MED23: variants seen among roughly 807,000 people sequenced by gnomAD.
MED23 encodes the protein mediator complex subunit 23, also known as mediator of RNA polymerase II transcription subunit 23.
In MED23, 105 loss-of-function variants were observed where a neutral mutation model predicts 163.9. The observed-to-expected ratio is 0.64, with a 90% CI of 0.55 to 0.75. The LOEUF is 0.75. Among genes scored for constraint, MED23 ranks in the 30% least tolerant of loss-of-function variants. The probability of loss-of-function intolerance (pLI) is 0.00; values close to 1 mark genes in which losing one functional copy is unlikely to be tolerated. For synonymous variants in MED23, 561 were observed against 565.6 expected, an observed-to-expected ratio of 0.99 and a Z score of 0.12; for missense variants, 1,054 against 1,649.0, an observed-to-expected ratio of 0.64 and a Z score of 6.25.
At position 131,594,187 on chromosome 6, in the gene MED23, G is replaced by GT. The variant is rs1226763879; in HGVS notation, c.3143dup (p.Tyr1048Ter). Residue 1048 changes from tyrosine (Y) to a stop codon, truncating the protein, a stop_gained and frameshift_variant, in exon 23 of 29, where the codon TAC (tyrosine) becomes TAAC (stop). Coordinates refer to ENST00000368068, the MANE Select transcript of MED23 (RefSeq NM_004830.4). LOFTEE classifies it high-confidence loss of function. ...RPQGWCLSDT[Y>*]LKCAMNAREE... ...CTCGTGCATTCATAGCGCATTTCAG[G>GT]TAAGTGTCACTTAGACACCAGCCCT... The GT allele has an allele frequency of 1.2e-6, 2 of 1,614,000 alleles. No homozygotes were observed. Among genetic ancestry groups the GT allele is most frequent in the African/African-American group, 1.3e-5 (1 of 74,898 alleles).
intron 3 of MED23, among the ~76,000 whole-genome samples, chr6:131,626,469 C>T (rs919274073): frequency 2.6e-5 from 4 of 151,748 alleles, no homozygotes; most frequent in Non-Finnish European, 5.9e-5. Context: ...TAGGGAATTA[C>T]CTGTAGATTA....
At position 131,592,376 on chromosome 6, in the gene MED23, T is replaced by A. The variant is rs750097118; in HGVS notation, c.3471+12A>T. The A allele has an allele frequency of 1.2e-6, 2 of 1,611,728 alleles. No individual in the cohort carries two copies. Among genetic ancestry groups the A allele is most frequent in the Non-Finnish European group, 1.7e-6 (2 of 1,177,904 alleles). ...TTTCATCACTAAGTACAAATCACAA[T>A]TATTAACTCACTGGTAGGGCAGTGA... On this transcript the variant is annotated intron_variant, in intron 25 of 28. Coordinates refer to ENST00000368068, the MANE Select transcript of MED23 (RefSeq NM_004830.4).
intron 30 of MED23, among the ~76,000 whole-genome samples, chr6:131,575,180 A>AG (rs1773554873): frequency 6.6e-6 from 1 of 152,328 alleles, no homozygotes; most frequent in East Asian, 1.9e-4. Context: ...GTGTCAACTA[A>AG]GGGGTCTATG....
At chr6:131,618,567 A>T (rs751811974) in intron 8 of MED23, 48 bp from the exon 9 acceptor site, 31 of 1,113,472 alleles carry the variant, frequency 2.8e-5, no homozygotes, top group Non-Finnish European at 4.1e-5. Context: ...ACACAGCAGT[A>T]CTTCATTCAC....
At chr6:131,627,799 T>C in intron 1 of MED23, 127 bp from the exon 2 acceptor site, 1 of 1,060,404 alleles carries the variant, frequency 9.4e-7, no homozygotes. Context: ...AATACCTGTC[T>C]GGCCTGTCAC....
At chr6:131,605,745 T>TA (rs1370297528) in intron 13 of MED23, among the ~76,000 whole-genome samples, 1 of 152,210 alleles carries the variant, frequency 6.6e-6, no homozygotes, top group African/African-American at 2.4e-5. Flanking sequence ...CATATTAGGC[T>TA]AAGTTTCAGA....
intron 20 of MED23, among the ~76,000 whole-genome samples, chr6:131,597,234 T>C (rs962038827): frequency 6.6e-6 from 1 of 151,962 alleles, no homozygotes; most frequent in Non-Finnish European, 1.5e-5. Context: ...CCCAGAACTT[T>C]CGGAGGCCGA....
At chr6:131,592,564 C>A in intron 24 of MED23, 104 bp from the exon 25 acceptor site, 1 of 953,372 alleles carries the variant, frequency 1.0e-6, no homozygotes, top group Non-Finnish European at 1.7e-6. Context: ...AGAGGATCGA[C>A]AACTAATCCA....
intron 4 of MED23, among the ~76,000 whole-genome samples, chr6:131,624,155 T>G (rs145350825): frequency 2.6e-5 from 4 of 152,324 alleles, no homozygotes; most frequent in African/African-American, 4.8e-5. Context: ...CATCTTCTTC[T>G]GAAATGTGAC....
chr6:131,579,068 A>C (rs1773779332), intron 30 of MED23: 2 of 1,600,874 alleles, frequency 1.2e-6, no homozygotes, highest in African/African-American at 2.7e-5. Context: ...ACTGATTTAT[A>C]ATCTACTTTT....
At chr6:131,589,747 G>T in intron 27 of MED23, 151 bp from the exon 28 acceptor site, 2 of 733,236 alleles carry the variant, frequency 2.7e-6, no homozygotes, top group South Asian at 1.6e-5. Flanking sequence ...ATGCACATGA[G>T]ATATGATATG....
At chr6:131,608,843 C>T (rs1221829949) in intron 11 of MED23, among the ~76,000 whole-genome samples, 1 of 152,098 alleles carries the variant, frequency 6.6e-6, no homozygotes, top group African/African-American at 2.4e-5. Context: ...ACTTTTATTC[C>T]CATTCAATAT....
At chr6:131,608,183 C>T (rs2114685775) in intron 11 of MED23, 112 bp from the exon 12 acceptor site, 1 of 1,192,666 alleles carries the variant, frequency 8.4e-7, no homozygotes, top group Non-Finnish European at 1.2e-6. Flanking sequence ...GGTTCTTGCT[C>T]TGAGAAAGTC....
intron 11 of MED23, among the ~76,000 whole-genome samples, chr6:131,609,502 ATTCCTTTTTTTTT>A (rs1776103584): frequency 3.4e-5 from 4 of 118,080 alleles, no homozygotes; most frequent in Admixed American, 1.8e-4. Context: ...GATAGAGACT[ATTCCTTTTTTTTT>A]TTTTTTTTTT....
intron 9 of MED23, among the ~76,000 whole-genome samples, chr6:131,617,246 G>C (rs1355493792): frequency 6.6e-6 from 1 of 151,024 alleles, no homozygotes; most frequent in Non-Finnish European, 1.5e-5. Flanking sequence ...TGGGGACATA[G>C]CATTTTGATA....
At chr6:131,580,975 T>TG (rs1365921704) in intron 30 of MED23, among the ~76,000 whole-genome samples, 7 of 152,152 alleles carry the variant, frequency 4.6e-5, no homozygotes, top group African/African-American at 1.7e-4. Context: ...AGGTGGATTT[T>TG]GGGAAAAAAA....
Position 131,605,453 on chromosome 6 carries a change from A to G in MED23, c.1400T>C (p.Leu467Ser), listed in dbSNP as rs376431105. ...AGCAATCTTATAGTCATTCATCTGTAAACTTTTATTTCTTAGACTCTGCTG... is the reference window on the plus strand; with the variant it reads ...AGCAATCTTATAGTCATTCATCTGTGAACTTTTATTTCTTAGACTCTGCTG... Reference protein sequence around the residue: ...FLQQSLRNKSLQMNDYKIALL... With the variant: ...FLQQSLRNKSSQMNDYKIALL... Residue 467 changes from leucine to serine, a missense_variant, in exon 14 of 29, where the codon TTA (leucine) becomes TCA (serine). Around this residue, in one of 11 missense-constraint regions of MED23, gnomAD observed 39 missense variants for 50.5 expected, o/e 0.77. Coordinates refer to ENST00000368068, the MANE Select transcript of MED23 (RefSeq NM_004830.4). 3 of 1,606,020 alleles carry G rather than the reference A, an allele frequency of 1.9e-6. No individual in the cohort carries two copies. The highest frequency in any genetic ancestry group is 1.7e-5 in the Admixed American group (1 of 59,410).
intron 10 of MED23, chr6:131,615,446 CAG>C: frequency 3.1e-6 from 3 of 982,922 alleles, no homozygotes. Context: ...TCAAGGAACC[CAG>C]AGTCAGCACA....
At chr6:131,576,840 T>C in intron 30 of MED23, 1 of 1,025,478 alleles carries the variant, frequency 9.8e-7, no homozygotes, top group Non-Finnish European at 1.5e-6. Flanking sequence ...TACATCAGAA[T>C]TGCGGTACTG....
Sources: allele counts gnomAD v4.1 joint callset (sites outside exome capture counted in the v4.1 genomes callset), GRCh38; gene constraint gnomAD v4.1.1; regional missense constraint gnomAD v4.1.1; transcripts MANE v1.5; gene names NCBI Gene and HGNC (gene_info 2026-07-23, HGNC 2026-07-21).